Variants in ARHGAP26 observed in about 807,000 individuals in gnomAD.
ARHGAP26 encodes rho GTPase-activating protein 26.
Under a neutral mutation model 104.8 loss-of-function variants are expected in ARHGAP26, and 38 were observed. That is an observed-to-expected ratio of 0.36 (90% CI 0.28 to 0.48). The LOEUF (loss-of-function observed/expected upper bound fraction) is 0.48. Ranked by LOEUF, ARHGAP26 falls within the 20% of genes least tolerant of loss-of-function variation. ARHGAP26 has a pLI of 0.99. For synonymous variants in ARHGAP26, 341 were observed against 340.0 expected (o/e 1.00, Z -0.03); for missense variants, 704 against 947.9 (o/e 0.74, Z 3.38).
At chr5:143,094,886 C>A (rs1792080154) in intron 17 of ARHGAP26, among the ~76,000 whole-genome samples, 1 of 151,878 alleles carries the variant, frequency 6.6e-6, no homozygotes. Context: ...CGGAATGAGT[C>A]AGGGTGGAGT....
At chr5:143,085,627 C>G (rs1395783964) in intron 17 of ARHGAP26, among the ~76,000 whole-genome samples, 1 of 152,224 alleles carries the variant, frequency 6.6e-6, no homozygotes, top group African/African-American at 2.4e-5. Flanking sequence ...TCAGAGCTGA[C>G]TCTATTCATG....
In ARHGAP26 at chr5:142,810,877, A is replaced by G. The variant is rs547314821; in HGVS notation, c.154+39962A>G. ...TAGTGTTTGTGTCCTACATAAAGCG[A>G]TTTGTGGTATGCAAGGACATATACA... On this transcript the variant is annotated intron_variant, in intron 1 of 22. Coordinates refer to ENST00000645722, the MANE Select transcript of ARHGAP26 (RefSeq NM_001135608.3). 2.6e-5 allele frequency among the ~76,000 whole-genome samples: 4 copies of G among 152,356 alleles called. No homozygotes were observed. The East Asian group carries it at 7.7e-4, about 29-fold the overall frequency.
At chr5:142,962,716 C>T (rs1301298920) in intron 11 of ARHGAP26, among the ~76,000 whole-genome samples, 1 of 151,952 alleles carries the variant, frequency 6.6e-6, no homozygotes, top group Non-Finnish European at 1.5e-5. Context: ...AACCCCCAAA[C>T]AGATGAGCCA....
At chr5:143,075,573 A>C (rs1788878112) in intron 17 of ARHGAP26, among the ~76,000 whole-genome samples, 1 of 152,214 alleles carries the variant, frequency 6.6e-6, no homozygotes, top group South Asian at 2.1e-4. Context: ...GATAGGCATG[A>C]CATGCAGGGA....
intron 1 of ARHGAP26, among the ~76,000 whole-genome samples, chr5:142,825,737 C>T (rs542400324): frequency 6.0e-4 from 92 of 152,310 alleles, no homozygotes; most frequent in African/African-American, 2.1e-3. Context: ...AGCCGATATT[C>T]CGAAGCAAGG....
chr5:142,851,352 C>G (rs1240991604), intron 1 of ARHGAP26, among the ~76,000 whole-genome samples: 9 of 152,220 alleles, frequency 5.9e-5, no homozygotes, highest in Non-Finnish European at 1.0e-4. Flanking sequence ...CTGCCTCGGC[C>G]TCCCAAAGTG....
chr5:142,907,678 A>T (rs1006344968), intron 8 of ARHGAP26, 26 bp from the exon 9 acceptor site: 3 of 1,530,740 alleles, frequency 2.0e-6, no homozygotes, highest in Non-Finnish European at 2.7e-6. Context: ...ATGTATAGAT[A>T]TTTTATGGGA....
chr5:143,001,215 C>G (rs74536216), intron 11 of ARHGAP26, among the ~76,000 whole-genome samples: 1,717 of 152,224 alleles, frequency 0.011, 32 homozygotes, highest in African/African-American at 0.039. Context: ...TCTGAGGGAA[C>G]TATCTGAGCT....
intron 17 of ARHGAP26, among the ~76,000 whole-genome samples, chr5:143,111,789 T>C (rs1342186987): frequency 2.0e-5 from 3 of 152,230 alleles, no homozygotes; most frequent in African/African-American, 7.2e-5. Context: ...TTTTTGGCTG[T>C]TATACCTTCC....
chr5:143,214,183 A>G (rs886533190), intron 22 of ARHGAP26, 95 bp downstream of exon 22: 4 of 803,268 alleles, frequency 5.0e-6, no homozygotes, highest in Non-Finnish European at 8.1e-6. Flanking sequence ...TCCCGAGGGA[A>G]AATCTCAATA....
chr5:143,189,183 G>C (rs1373705793), intron 20 of ARHGAP26, among the ~76,000 whole-genome samples: 3 of 152,142 alleles, frequency 2.0e-5, no homozygotes, highest in Non-Finnish European at 2.9e-5. Flanking sequence ...TTTCAAAATA[G>C]GACCCTTTCC....
intron 17 of ARHGAP26, among the ~76,000 whole-genome samples, chr5:143,111,316 GTC>G (rs151096038): frequency 1.0e-4 from 15 of 150,396 alleles, no homozygotes; most frequent in Non-Finnish European, 1.2e-4. Context: ...CTGTCTGTCA[GTC>G]TCTCTCTCTC....
intron 18 of ARHGAP26, among the ~76,000 whole-genome samples, chr5:143,131,953 A>G (rs1797404211): frequency 1.3e-5 from 2 of 152,198 alleles, no homozygotes; most frequent in African/African-American, 4.8e-5. Context: ...GTAAGAGACT[A>G]GAGATGTTTA....
At chr5:143,109,846 T>C (rs1011177435) in intron 17 of ARHGAP26, among the ~76,000 whole-genome samples, 1 of 152,178 alleles carries the variant, frequency 6.6e-6, no homozygotes, top group Non-Finnish European at 1.5e-5. Flanking sequence ...CTGTTACCCC[T>C]CTGATCAGAA....
intron 19 of ARHGAP26, among the ~76,000 whole-genome samples, chr5:143,137,183 G>A (rs546857466): frequency 6.6e-6 from 1 of 152,296 alleles, no homozygotes; most frequent in East Asian, 1.9e-4. Flanking sequence ...CCATTAAGAT[G>A]GAAAGTGGTC....
At chr5:143,211,279 T>C (rs1253230664) in intron 21 of ARHGAP26, among the ~76,000 whole-genome samples, 1 of 152,206 alleles carries the variant, frequency 6.6e-6, no homozygotes, top group Admixed American at 6.5e-5. Context: ...GTATGTCCCA[T>C]GCAATATTTG....
intron 11 of ARHGAP26, among the ~76,000 whole-genome samples, chr5:142,945,781 A>G (rs1767016391): frequency 6.6e-6 from 1 of 152,234 alleles, no homozygotes; most frequent in Admixed American, 6.5e-5. Flanking sequence ...AACACAGTAC[A>G]ATGATCAGAC....
intron 18 of ARHGAP26, among the ~76,000 whole-genome samples, chr5:143,121,569 T>C (rs189688522): frequency 2.7e-4 from 41 of 152,362 alleles, no homozygotes; most frequent in African/African-American, 9.4e-4. Flanking sequence ...TTTAGGGATA[T>C]TAAACTTTCT....
intron 1 of ARHGAP26, among the ~76,000 whole-genome samples, chr5:142,790,305 G>A (rs371739101): frequency 9.6e-4 from 146 of 152,248 alleles, no homozygotes; most frequent in African/African-American, 3.2e-3. Flanking sequence ...CCTATAGTTG[G>A]TGACCACAGT....
Sources: allele counts gnomAD v4.1 joint callset (sites outside exome capture counted in the v4.1 genomes callset), GRCh38; gene constraint gnomAD v4.1.1; transcripts MANE v1.5; gene names NCBI Gene and HGNC (gene_info 2026-07-23, HGNC 2026-07-21).